SHTN1: variants seen among roughly 807,000 people sequenced by gnomAD.
SHTN1 encodes shootin-1.
In SHTN1, 42 loss-of-function variants were observed where a neutral mutation model predicts 83.1. The ratio of observed to expected loss-of-function variants is 0.51; its 90% CI spans 0.39 to 0.65. The LOEUF (loss-of-function observed/expected upper bound fraction) is 0.65, where lower values mean the gene tolerates loss of function less well. SHTN1 is among the 30% of genes least tolerant of loss of function. The pLI is 0.00. For missense variants in SHTN1, 622 were observed against 737.8 expected (o/e 0.84, Z 1.82); for synonymous variants, 224 against 247.7 (o/e 0.90, Z 0.90).
In SHTN1 at chr10:116,948,970, C is replaced by T; in HGVS notation, c.562G>A (p.Val188Ile). The T allele has an allele frequency of 6.4e-7, 1 of 1,568,980 alleles. No homozygotes were observed. The highest frequency in any genetic ancestry group is 8.6e-7 in the Non-Finnish European group (1 of 1,158,100). Residue 188 changes from valine to isoleucine, a missense_variant, in exon 7 of 17, where the codon GTT (valine) becomes ATT (isoleucine). Transcript: ENST00000355371. ...EVNKVKQEKT[V>I]LNSEVLEQRK... ...TGTTCAAGAACTTCTGAATTTAAAA[C>T]AGTCTTTTCTTGTTTAACTTTATTT...
chr10:117,008,053 G>A (rs10886021), upstream of SHTN1, among the ~76,000 whole-genome samples: 1 of 151,810 alleles, frequency 6.6e-6, no homozygotes, highest in African/African-American at 2.4e-5. Context: ...GCATCACGTT[G>A]GAGTTACTAT....
rs1847118784 is a variant in SHTN1, at chr10:116,884,938, G to A, written c.*1406C>T. On this transcript the variant is annotated 3_prime_UTR_variant, in exon 17 of 17. Transcript: ENST00000355371. Reference sequence around the variant, plus strand: ...TATTATCCAGTTAAAGAAAGATACAGTTGAAAAACATTACGTTTTAATTCT... The same window carrying A: ...TATTATCCAGTTAAAGAAAGATACAATTGAAAAACATTACGTTTTAATTCT... 3.3e-5 allele frequency: 5 copies of A among 152,196 alleles called. No homozygotes were observed. The highest frequency in any genetic ancestry group is 6.5e-5 in the Admixed American group (1 of 15,276). The allele number at this position is 152,196 out of a possible 1,614,324, so 9.4% of individuals were successfully genotyped here.
chr10:116,964,755 G>A (rs573750360), intron 3 of SHTN1, among the ~76,000 whole-genome samples: 2 of 152,260 alleles, frequency 1.3e-5, no homozygotes, highest in South Asian at 4.2e-4. Context: ...GGCCAAGGCA[G>A]GCAGATCACC....
In SHTN1 at chr10:117,024,605, G is replaced by A. The variant is rs560906100; in HGVS notation, c.-123+23840C>T. Among the ~76,000 whole-genome samples, 31 of 152,000 alleles carry A rather than the reference G, an allele frequency of 2.0e-4. No individual in the cohort carries two copies. In the South Asian group the frequency reaches 5.8e-3, roughly 29 times the overall value. ...GATCTCCTGACCTCGTGATCCGCCCGCCTCAGCCTCCCAAAGTGCTGGGAT... is the reference window on the plus strand; with the variant it reads ...GATCTCCTGACCTCGTGATCCGCCCACCTCAGCCTCCCAAAGTGCTGGGAT... On this transcript the variant is annotated intron_variant, in intron 2 of 17. Transcript: ENST00000392901.
In SHTN1 at chr10:116,960,194, T is replaced by C; in HGVS notation, c.209A>G (p.Gln70Arg). 6.2e-7 allele frequency: 1 copy of C among 1,610,876 alleles called. No individual in the cohort carries two copies. The highest frequency in any genetic ancestry group is 8.5e-7 in the Non-Finnish European group (1 of 1,177,400). Residue 70 changes from glutamine (Q) to arginine (R), a missense_variant, in exon 4 of 17, where the codon CAG (glutamine) becomes CGG (arginine). Gln to Arg is a conservative substitution (Grantham distance 43). Transcript: ENST00000355371. ...AGTCTTCTCTATTTCAAGATGGTTCTGCATGAAATTAACTTCCTCTATGAC... is the reference window on the plus strand; with the variant it reads ...AGTCTTCTCTATTTCAAGATGGTTCCGCATGAAATTAACTTCCTCTATGAC... ...HMVIEEVNFM[Q>R]NHLEIEKTCR... is the part of the protein sequence containing the mutation.
chr10:116,929,927 G>T lies in SHTN1; in HGVS notation c.934C>A (p.Leu312Ile). The T allele has an allele frequency of 6.2e-7, 1 of 1,607,950 alleles. No individual in the cohort carries two copies. Among genetic ancestry groups the T allele is most frequent in the Non-Finnish European group, 8.5e-7 (1 of 1,176,016 alleles). ...AATTCCTTTTTATCTTCCTCTAGAA[G>T]CTCCAGTTGCTGTTTGAGGTTGTGT... ...EIHNLKQQLE[L>I]LEEDKKELEL... is the part of the protein sequence containing the mutation. Residue 312 changes from leucine (L) to isoleucine (I), a missense_variant, in exon 10 of 17, where the codon CTT becomes ATT. Transcript: ENST00000355371.
chr10:117,112,181 G>A (rs185310947), intron 1 of SHTN1, among the ~76,000 whole-genome samples: 95 of 152,222 alleles, frequency 6.2e-4, no homozygotes, highest in African/African-American at 2.0e-3. Context: ...GCTCAGGCTG[G>A]TGTCGAATTC....
intron 2 of SHTN1, among the ~76,000 whole-genome samples, chr10:116,975,089 G>A (rs1474985312): frequency 6.6e-6 from 1 of 151,988 alleles, no homozygotes; most frequent in Non-Finnish European, 1.5e-5. Flanking sequence ...CTTAGAAAAT[G>A]GGCAAAAAAT....
intron 10 of SHTN1, among the ~76,000 whole-genome samples, chr10:116,928,436 T>C (rs1392101344): frequency 1.3e-5 from 2 of 152,202 alleles, no homozygotes; most frequent in Middle Eastern, 3.2e-3. Flanking sequence ...TTTCTGGAAA[T>C]GTATCGTATT....
intron 16 of SHTN1, among the ~76,000 whole-genome samples, chr10:116,899,558 T>G (rs1847655425): frequency 6.9e-6 from 1 of 145,936 alleles, no homozygotes. Flanking sequence ...AGAGAGTGCA[T>G]GCATACATAT....
intron 9 of SHTN1, among the ~76,000 whole-genome samples, chr10:116,932,701 T>C (rs1409885304): frequency 6.6e-6 from 1 of 152,194 alleles, no homozygotes; most frequent in African/African-American, 2.4e-5. Flanking sequence ...AACGTGGGTT[T>C]ATCAGGACAT....
intron 4 of SHTN1, among the ~76,000 whole-genome samples, chr10:116,959,484 T>C (rs909485003): frequency 3.3e-5 from 5 of 152,208 alleles, no homozygotes; most frequent in African/African-American, 9.6e-5. Flanking sequence ...TGAAATTTGG[T>C]TGAAAATTGC....
intron 1 of SHTN1, among the ~76,000 whole-genome samples, chr10:117,055,671 C>G (rs1166722245): frequency 6.6e-6 from 1 of 152,150 alleles, no homozygotes; most frequent in Non-Finnish European, 1.5e-5. Context: ...AGTTCAAGAC[C>G]AGCCTGGGCA....
intron 1 of SHTN1, among the ~76,000 whole-genome samples, chr10:117,110,017 C>T (rs1475573111): frequency 6.6e-6 from 1 of 152,114 alleles, no homozygotes; most frequent in East Asian, 1.9e-4. Flanking sequence ...GCTGGAGAGT[C>T]TACCTGAGTT....
At chr10:116,948,123 A>G (rs923628095) in intron 7 of SHTN1, among the ~76,000 whole-genome samples, 3 of 152,218 alleles carry the variant, frequency 2.0e-5, no homozygotes, top group African/African-American at 7.2e-5. Context: ...TACCACTTCC[A>G]GAATTATTTT....
Position 117,107,655 on chromosome 10 carries a change from G to A in SHTN1, c.-189+18652C>T, listed in dbSNP as rs149914756. Among the ~76,000 whole-genome samples the A allele has an allele frequency of 7.2e-5, 11 of 152,260 alleles. No individual in the cohort carries two copies. The East Asian group carries it at 2.1e-3, about 29-fold the overall frequency. On this transcript the variant is annotated intron_variant, in intron 1 of 17. Coordinates refer to the SHTN1 transcript ENST00000392901. ...ACTAGTCAGAATGTGTTTGATAGCAGCAGTGACAGAGGCCAAACTCTAACT... is the reference window on the plus strand; with the variant it reads ...ACTAGTCAGAATGTGTTTGATAGCAACAGTGACAGAGGCCAAACTCTAACT...
At position 116,927,896 on chromosome 10, in the gene SHTN1, A is replaced by C. The variant is rs373113469; in HGVS notation, c.1013-5T>G. 125 of 1,612,718 alleles carry C rather than the reference A, an allele frequency of 7.8e-5. No individual in the cohort carries two copies. The highest frequency in any genetic ancestry group is 1.1e-4 in the Non-Finnish European group (124 of 1,179,370). ...CTCGTTTCTGGAGTTCATCAACTGCACAGAGAGCAAACATTCAGAAGAGAG... is the reference window on the plus strand; with the variant it reads ...CTCGTTTCTGGAGTTCATCAACTGCCCAGAGAGCAAACATTCAGAAGAGAG... On this transcript the variant is annotated splice_region_variant and splice_polypyrimidine_tract_variant and intron_variant, in intron 10 of 16. Coordinates refer to ENST00000355371, the MANE Select transcript of SHTN1 (RefSeq NM_001127211.3).
In SHTN1 at chr10:116,960,395, G is replaced by A. The variant is rs562661801; in HGVS notation, c.173-165C>T. On this transcript the variant is annotated intron_variant, in intron 3 of 16. Coordinates refer to ENST00000355371, the MANE Select transcript of SHTN1 (RefSeq NM_001127211.3). Reference sequence around the variant, plus strand: ...GAGAAGCTGCCCTGATTAAATCTGAGCTAATATTTGAATGTAGAAAGAAAC... The same window carrying A: ...GAGAAGCTGCCCTGATTAAATCTGAACTAATATTTGAATGTAGAAAGAAAC... The A allele has an allele frequency of 9.8e-4, 475 of 486,972 alleles. 10 individuals are homozygous for A. The South Asian group carries it at 0.019, about 20-fold the overall frequency. 30.2% of individuals were successfully genotyped at this position (486,972 alleles called of 1,614,324 possible). A position where few individuals can be genotyped will look rare whatever the true frequency, so the allele number is the denominator to read the frequency against.
At chr10:117,033,163 T>C (rs1852445329) in intron 2 of SHTN1, among the ~76,000 whole-genome samples, 1 of 151,394 alleles carries the variant, frequency 6.6e-6, no homozygotes, top group South Asian at 2.2e-4. Context: ...AACCCAAAAT[T>C]AGTAGAAGAA....
Sources: gnomAD v4.1 joint callset for allele counts (sites outside exome capture counted in the v4.1 genomes callset) on GRCh38, gnomAD v4.1.1 for gene constraint, MANE v1.5 for transcripts, NCBI Gene and HGNC (gene_info 2026-07-23, HGNC 2026-07-21) for gene names.